Variants in CDYL observed in about 807,000 individuals in gnomAD.
CDYL encodes chromodomain Y like, also known as chromodomain Y-like protein.
A neutral mutation model predicts 47.3 loss-of-function variants in CDYL; 8 were observed. The ratio of observed to expected loss-of-function variants is 0.17; its 90% CI spans 0.10 to 0.31. The LOEUF is 0.31. Ranked by LOEUF, CDYL falls within the 10% of genes least tolerant of loss-of-function variation. The pLI is 1.00. For synonymous variants in CDYL, 266 were observed against 265.0 expected (o/e 1.00, Z -0.04); for missense variants, 471 against 701.4 (o/e 0.67, Z 3.71).
intron 1 of CDYL, among the ~76,000 whole-genome samples, chr6:4,830,126 C>T (rs1284031394): frequency 3.3e-5 from 5 of 152,224 alleles, no homozygotes; most frequent in African/African-American, 1.2e-4. Flanking sequence ...GGTGGAAAGT[C>T]ACTGACAATT....
At chr6:4,936,520 A>C (rs1411604891) in intron 3 of CDYL, among the ~76,000 whole-genome samples, 1 of 152,226 alleles carries the variant, frequency 6.6e-6, no homozygotes, top group African/African-American at 2.4e-5. Flanking sequence ...AAACCAGTTC[A>C]AAGTTGGTCC....
At chr6:4,751,852 C>T (rs993461107) in intron 3 of CDYL, among the ~76,000 whole-genome samples, 2 of 152,214 alleles carry the variant, frequency 1.3e-5, no homozygotes, top group Admixed American at 1.3e-4. Context: ...GAACAAAAGG[C>T]TTTATCTTTC....
intron 1 of CDYL, among the ~76,000 whole-genome samples, chr6:4,867,941 T>G (rs1464672403): frequency 6.6e-6 from 1 of 152,048 alleles, no homozygotes; most frequent in Non-Finnish European, 1.5e-5. Context: ...CTGCCAGGTG[T>G]AGGTAGTGAT....
intron 1 of CDYL, among the ~76,000 whole-genome samples, chr6:4,785,595 T>C (rs1758734699): frequency 6.6e-6 from 1 of 152,242 alleles, no homozygotes; most frequent in East Asian, 1.9e-4. Context: ...TTTTCTTATT[T>C]TATTAATAGC....
At chr6:4,883,805 T>A (rs2127479480) in intron 1 of CDYL, among the ~76,000 whole-genome samples, 1 of 152,302 alleles carries the variant, frequency 6.6e-6, no homozygotes, top group Non-Finnish European at 1.5e-5. Flanking sequence ...GGGCAGGTAT[T>A]ATCTCCCTTG....
At chr6:4,946,303 A>C (rs1391466038) in intron 5 of CDYL, among the ~76,000 whole-genome samples, 1 of 152,016 alleles carries the variant, frequency 6.6e-6, no homozygotes, top group Non-Finnish European at 1.5e-5. Flanking sequence ...TGTCCAGGAC[A>C]CCCACCCCTG....
At chr6:4,898,538 G>A (rs571289823) in intron 2 of CDYL, among the ~76,000 whole-genome samples, 1 of 152,290 alleles carries the variant, frequency 6.6e-6, no homozygotes, top group African/African-American at 2.4e-5. Context: ...TCAAACGAGA[G>A]GGGAGTAGTC....
At chr6:4,740,854 T>C (rs1282389851) in intron 3 of CDYL, among the ~76,000 whole-genome samples, 1 of 151,886 alleles carries the variant, frequency 6.6e-6, no homozygotes. Flanking sequence ...TGGTGTGATC[T>C]CTGCTCACTG....
chr6:4,929,617 C>G (rs1380180504), intron 2 of CDYL, among the ~76,000 whole-genome samples: 1 of 151,924 alleles, frequency 6.6e-6, no homozygotes, highest in East Asian at 1.9e-4. Flanking sequence ...ATCGTTTTTT[C>G]TGTTTCTTCT....
intron 3 of CDYL, among the ~76,000 whole-genome samples, chr6:4,740,673 A>T (rs568004835): frequency 8.9e-4 from 136 of 152,224 alleles, no homozygotes; most frequent in African/African-American, 3.2e-3. Context: ...CACTGACTAG[A>T]CCGGAGAGTG....
chr6:4,878,837 A>G (rs1561683464), intron 1 of CDYL, among the ~76,000 whole-genome samples: 1 of 152,046 alleles, frequency 6.6e-6, no homozygotes, highest in Non-Finnish European at 1.5e-5. Context: ...TTTTTCAAGT[A>G]GAAATTTAGA....
At chr6:4,880,667 T>C (rs1185883204) in intron 1 of CDYL, among the ~76,000 whole-genome samples, 1 of 152,240 alleles carries the variant, frequency 6.6e-6, no homozygotes, top group Non-Finnish European at 1.5e-5. Context: ...GAGTGGGCCT[T>C]TCTATTGCTC....
At chr6:4,740,463 C>T (rs1034125485) in intron 3 of CDYL, among the ~76,000 whole-genome samples, 2 of 152,176 alleles carry the variant, frequency 1.3e-5, no homozygotes, top group Non-Finnish European at 2.9e-5. Flanking sequence ...GGACAGCCCC[C>T]ACCACAAAGA....
At chr6:4,940,179 T>C (rs1758323495) in intron 4 of CDYL, among the ~76,000 whole-genome samples, 1 of 152,212 alleles carries the variant, frequency 6.6e-6, no homozygotes, top group Admixed American at 6.5e-5. Flanking sequence ...CCACTCTCCC[T>C]ACTCCACACA....
intron 3 of CDYL, among the ~76,000 whole-genome samples, chr6:4,745,285 G>A (rs917902810): frequency 1.3e-5 from 2 of 152,088 alleles, no homozygotes; most frequent in Non-Finnish European, 1.5e-5. Context: ...TTACTAATTT[G>A]TATTATTAAG....
chr6:4,775,554 G>A (rs1229862917), upstream of CDYL: 2 of 152,162 alleles, frequency 1.3e-5, no homozygotes, highest in South Asian at 2.1e-4. This position sits in a 1 kb window ranked among gnomAD's most constrained non-coding sequence, Gnocchi z 7.0. Flanking sequence ...CTTCGGAGGA[G>A]GCGGACGCTC....
chr6:4,898,606 C>T (rs1167401596), intron 2 of CDYL, among the ~76,000 whole-genome samples: 3 of 152,158 alleles, frequency 2.0e-5, no homozygotes, highest in Non-Finnish European at 4.4e-5. Flanking sequence ...TAGGTATCCT[C>T]AGGCAGAATG....
At chr6:4,897,676 G>C (rs1762322023) in intron 2 of CDYL, among the ~76,000 whole-genome samples, 1 of 152,066 alleles carries the variant, frequency 6.6e-6, no homozygotes, top group African/African-American at 2.4e-5. Context: ...CAGCGCTTTG[G>C]GAAGCTGAAG....
chr6:4,821,742 A>G (rs1581189638), intron 1 of CDYL, among the ~76,000 whole-genome samples: 1 of 141,624 alleles, frequency 7.1e-6, no homozygotes, highest in African/African-American at 2.7e-5. Context: ...TCTCGGGGGA[A>G]AAAAAAAAAG....
Sources: gnomAD v4.1 joint callset for allele counts (sites outside exome capture counted in the v4.1 genomes callset) on GRCh38, gnomAD v4.1.1 for gene constraint, Gnocchi (gnomAD v3.1) non-coding constraint, MANE v1.5 for transcripts, NCBI Gene and HGNC (gene_info 2026-07-23, HGNC 2026-07-21) for gene names.